The following GRK4 variants were observed in gnomAD, a reference collection of about 807,000 sequenced individuals.
GRK4 encodes the protein G protein-coupled receptor kinase 2-like.
Under a neutral mutation model 77.9 loss-of-function variants are expected in GRK4, and 73 were observed. The observed-to-expected ratio is 0.94, with a 90% CI of 0.78 to 1.14. The LOEUF (loss-of-function observed/expected upper bound fraction) is 1.14, where lower values mean the gene tolerates loss of function less well. Ranked by LOEUF, GRK4 falls within the 50% of genes most tolerant of loss-of-function variation. The pLI, the probability that GRK4 is intolerant of heterozygous loss-of-function variation, is 0.00. For missense variants in GRK4, 729 were observed against 700.2 expected (o/e 1.04, Z -0.46); for synonymous variants, 257 against 254.4 (o/e 1.01, Z -0.10).
chr4:3,027,816 C>T, intron 10 of GRK4, 96 bp from the exon 11 acceptor site: 1 of 915,082 alleles, frequency 1.1e-6, no homozygotes, highest in Admixed American at 2.0e-5. Flanking sequence ...TTATTTCCAG[C>T]CATGGTTTTT....
At chr4:3,020,981 G>C (rs959463788) in intron 9 of GRK4, among the ~76,000 whole-genome samples, 1 of 152,116 alleles carries the variant, frequency 6.6e-6, no homozygotes, top group East Asian at 1.9e-4. Flanking sequence ...GATGTGTGTA[G>C]GTTATATGGA....
intron 9 of GRK4, among the ~76,000 whole-genome samples, chr4:3,020,782 A>G (rs1184530264): frequency 6.6e-6 from 1 of 151,494 alleles, no homozygotes; most frequent in Non-Finnish European, 1.5e-5. Context: ...AATCCTGCTC[A>G]ACAGGATGAA....
chr4:2,963,656 C>G lies in GRK4; in HGVS notation c.-415C>G. 2.5e-5 allele frequency: 9 copies of G among 365,882 alleles called. No homozygotes were observed. The highest frequency in any genetic ancestry group is 1.2e-4 in the South Asian group (2 of 17,302). 22.7% of individuals were successfully genotyped at this position (365,882 alleles called of 1,614,324 possible). A position where few individuals can be genotyped will look rare whatever the true frequency, so the allele number is the denominator to read the frequency against. On this transcript the variant is annotated 5_prime_UTR_variant, in exon 1 of 16. Coordinates refer to ENST00000398052, the MANE Select transcript of GRK4 (RefSeq NM_182982.3). ...GCCCGCCCGGGAGCGGGTCGCCGGC[C>G]GCGGCGGGCGCCCCTGCCAGTGAGC... is the stretch of plus-strand genomic sequence containing the variant.
At position 3,035,542 on chromosome 4, in the gene GRK4, C is replaced by T. The variant is rs749000063; in HGVS notation, c.1407+19C>T. 25 of 1,604,398 alleles carry T rather than the reference C, an allele frequency of 1.6e-5. No homozygotes were observed. The highest frequency in any genetic ancestry group is 4.0e-5 in the African/African-American group (3 of 74,406). On this transcript the variant is annotated intron_variant, in intron 13 of 15. Transcript: ENST00000398052. ...TCCTGATGTAAGTGCATTGCCAGGA[C>T]GAGCAGGGCCCTAGGAACAGTGATC...
intron 9 of GRK4, among the ~76,000 whole-genome samples, chr4:3,020,170 A>T (rs1560472662): frequency 3.3e-5 from 5 of 151,906 alleles, no homozygotes; most frequent in African/African-American, 1.2e-4. Context: ...TGCCCAGCTA[A>T]TTTTTTGTAT....
At chr4:3,029,783 A>T (rs1360242078) in intron 12 of GRK4, among the ~76,000 whole-genome samples, 1 of 152,184 alleles carries the variant, frequency 6.6e-6, no homozygotes, top group African/African-American at 2.4e-5. Flanking sequence ...CAGGGAGGAC[A>T]CGTTTGCTTA....
At chr4:3,010,751 C>T (rs756450698) in intron 7 of GRK4, among the ~76,000 whole-genome samples, 3 of 152,130 alleles carry the variant, frequency 2.0e-5, no homozygotes, top group Non-Finnish European at 4.4e-5. Context: ...TTACACTGCC[C>T]GGGTGTGACT....
intron 7 of GRK4, among the ~76,000 whole-genome samples, 192 bp from the exon 8 acceptor site, chr4:3,013,496 A>G (rs1302782114): frequency 2.0e-5 from 3 of 152,210 alleles, no homozygotes; most frequent in African/African-American, 7.2e-5. Context: ...CTTAGAGTTG[A>G]TAGAGTACAG....
chr4:2,969,957 C>G (rs776862521), intron 1 of GRK4, among the ~76,000 whole-genome samples: 1 of 152,200 alleles, frequency 6.6e-6, no homozygotes, highest in Non-Finnish European at 1.5e-5. Flanking sequence ...GCTGGGATTA[C>G]AGGGTGAACC....
chr4:3,007,701 A>G (rs1177874950), intron 5 of GRK4, 35 bp from the exon 6 acceptor site: 3 of 1,351,480 alleles, frequency 2.2e-6, no homozygotes, highest in Admixed American at 2.0e-5. Context: ...TCTTAATACA[A>G]CAAATGTATA....
At chr4:3,028,062 C>T (rs1738087859) in intron 11 of GRK4, 61 bp downstream of exon 11, 1 of 1,453,376 alleles carries the variant, frequency 6.9e-7, no homozygotes, top group Non-Finnish European at 9.7e-7. Context: ...TGCCTCAGAA[C>T]ACAGAGAAAT....
chr4:2,979,427 G>A (rs67653639), intron 1 of GRK4, among the ~76,000 whole-genome samples: 13 of 131,880 alleles, frequency 9.9e-5, no homozygotes, highest in Admixed American at 2.3e-4. Context: ...AAAAAAAAAA[G>A]AGTGGCCAGG....
At chr4:3,039,727 A>C (rs975812962) in intron 15 of GRK4, among the ~76,000 whole-genome samples, 2 of 152,012 alleles carry the variant, frequency 1.3e-5, no homozygotes, top group Non-Finnish European at 2.9e-5. Flanking sequence ...AGGAAAAAAA[A>C]ATAAGCTTTA....
intron 12 of GRK4, among the ~76,000 whole-genome samples, chr4:3,031,343 G>A (rs544454250): frequency 6.6e-6 from 1 of 152,218 alleles, no homozygotes; most frequent in African/African-American, 2.4e-5. Flanking sequence ...GAAAGGGGAG[G>A]CTTGAAGGCT....
chr4:2,996,657 T>C lies in GRK4; in HGVS notation c.339+4365T>C, dbSNP rs567978992. On this transcript the variant is annotated intron_variant, in intron 4 of 15. Transcript: ENST00000398052. ...TGTGGGGGATAGACAAATGTTTAGA[T>C]AATAGCACTTGGTAATAGAGAGATG... 6.4e-4 allele frequency among the ~76,000 whole-genome samples: 97 copies of C among 152,046 alleles called. 2 individuals are homozygous for C. Among genetic ancestry groups the C allele is most frequent in the Middle Eastern group, 3.4e-3 (1 of 294 alleles).
chr4:2,986,286 T>A (rs1724315061), intron 2 of GRK4, among the ~76,000 whole-genome samples: 1 of 151,660 alleles, frequency 6.6e-6, no homozygotes, highest in African/African-American at 2.4e-5. Flanking sequence ...TTTCCTTTTT[T>A]TTTTTCAATG....
At chr4:2,980,241 G>T (rs1178023223) in intron 1 of GRK4, among the ~76,000 whole-genome samples, 1 of 152,150 alleles carries the variant, frequency 6.6e-6, no homozygotes, top group Non-Finnish European at 1.5e-5. Flanking sequence ...GACTGGGGCT[G>T]CCATGGCCAC....
chr4:3,010,288 G>C (rs534635209), intron 7 of GRK4, among the ~76,000 whole-genome samples: 18 of 152,140 alleles, frequency 1.2e-4, no homozygotes, highest in South Asian at 2.1e-4. Flanking sequence ...GTGCAATGGC[G>C]TGATCTCAGC....
rs145613609 is a variant in GRK4, at chr4:2,978,338, C to T, written c.53-6175C>T. Among the ~76,000 whole-genome samples the T allele has an allele frequency of 2.3e-4, 35 of 152,184 alleles. 1 individual carries two copies. In the East Asian group the frequency reaches 6.5e-3, roughly 28 times the overall value. ...GATAGGATTCTGTAATTGAGCTAAT[C>T]GATTCTATTGTCAATCTAAAAAAAG... On this transcript the variant is annotated intron_variant, in intron 1 of 15. Transcript: ENST00000398052.
Sources: gnomAD v4.1 joint callset for allele counts (sites outside exome capture counted in the v4.1 genomes callset) on GRCh38, gnomAD v4.1.1 for gene constraint, MANE v1.5 for transcripts, NCBI Gene and HGNC (gene_info 2026-07-23, HGNC 2026-07-21) for gene names.